GSG1L: variants seen among roughly 807,000 people sequenced by gnomAD.
GSG1L encodes GSG1 like.
A neutral mutation model predicts 42.1 loss-of-function variants in GSG1L; 24 were observed. The observed-to-expected ratio is 0.57, with a 90% CI of 0.41 to 0.80. GSG1L has a LOEUF of 0.80. GSG1L is among the 30% of genes least tolerant of loss of function. The pLI is 0.00. For synonymous variants in GSG1L, 215 were observed against 203.5 expected, an observed-to-expected ratio of 1.06 and a Z score of -0.48; for missense variants, 445 against 472.2, an observed-to-expected ratio of 0.94 and a Z score of 0.53.
intron 1 of GSG1L, among the ~76,000 whole-genome samples, chr16:28,006,189 T>C (rs2085635898): frequency 1.3e-5 from 2 of 152,208 alleles, no homozygotes; most frequent in African/African-American, 4.8e-5. Flanking sequence ...ACCTCTGTCC[T>C]ACCATCTGTA....
chr16:27,950,360 A>G (rs890817069), intron 2 of GSG1L, among the ~76,000 whole-genome samples: 2 of 152,156 alleles, frequency 1.3e-5, no homozygotes, highest in Non-Finnish European at 2.9e-5. Flanking sequence ...AATTACCTGG[A>G]AAGATAATCT....
chr16:27,939,115 C>T (rs568095762), intron 2 of GSG1L, among the ~76,000 whole-genome samples: 8 of 151,972 alleles, frequency 5.3e-5, no homozygotes, highest in Non-Finnish European at 1.0e-4. Flanking sequence ...GCAAACATTC[C>T]AGCTGAATTT....
At chr16:28,004,465 G>T (rs1403633333) in intron 1 of GSG1L, among the ~76,000 whole-genome samples, 1 of 140,950 alleles carries the variant, frequency 7.1e-6, no homozygotes, top group Admixed American at 7.8e-5. Flanking sequence ...GAAGGGGAGA[G>T]TGAGTGAGGA....
At chr16:27,859,304 C>T (rs965417445) in intron 3 of GSG1L, among the ~76,000 whole-genome samples, 6 of 152,274 alleles carry the variant, frequency 3.9e-5, no homozygotes, top group South Asian at 4.2e-4. Context: ...GGACAGGATC[C>T]GAGATTTGAA....
intron 4 of GSG1L, among the ~76,000 whole-genome samples, chr16:27,841,463 G>T (rs1055384584): frequency 6.6e-6 from 1 of 152,226 alleles, no homozygotes; most frequent in African/African-American, 2.4e-5. Flanking sequence ...CCTGCAGCTT[G>T]TTCTTCCCTG....
intron 1 of GSG1L, among the ~76,000 whole-genome samples, chr16:27,991,265 C>G (rs188289832): frequency 1.3e-5 from 2 of 152,186 alleles, no homozygotes; most frequent in African/African-American, 4.8e-5. Flanking sequence ...TAAAGGAGAA[C>G]TGGGTTTTAA....
chr16:27,803,538 A>G (rs2144417747), intron 6 of GSG1L, among the ~76,000 whole-genome samples: 1 of 151,900 alleles, frequency 6.6e-6, no homozygotes, highest in African/African-American at 2.4e-5. Flanking sequence ...TTATATCCTC[A>G]TCTCAAGGGA....
intron 3 of GSG1L, among the ~76,000 whole-genome samples, chr16:27,857,116 G>C (rs1299004641): frequency 6.6e-6 from 1 of 152,206 alleles, no homozygotes; most frequent in Non-Finnish European, 1.5e-5. Context: ...TTTGAGGCAA[G>C]ATGCTTGCAT....
chr16:27,915,703 G>T (rs772577504), intron 2 of GSG1L, among the ~76,000 whole-genome samples: 2 of 152,148 alleles, frequency 1.3e-5, no homozygotes, highest in Non-Finnish European at 2.9e-5. Context: ...TTGAGCCCAG[G>T]AGTTTGAGGC....
At chr16:27,975,730 C>T (rs764990130) in intron 1 of GSG1L, among the ~76,000 whole-genome samples, 4 of 152,090 alleles carry the variant, frequency 2.6e-5, no homozygotes, top group Non-Finnish European at 5.9e-5. Flanking sequence ...AATCTCAATC[C>T]CCAAAAGTAC....
intron 2 of GSG1L, among the ~76,000 whole-genome samples, chr16:27,911,599 G>T (rs1435372666): frequency 6.6e-6 from 1 of 152,108 alleles, no homozygotes. Context: ...CTTGGCTGCT[G>T]TTTGAATATC....
In GSG1L at chr16:27,979,749, G is replaced by GGAAAGAGAAA. The variant is rs1555512127; in HGVS notation, c.350-16547_350-16546insTTTCTCTTTC. Among the ~76,000 whole-genome samples, 2 of 99,104 alleles carry GGAAAGAGAAA rather than the reference G, an allele frequency of 2.0e-5. 1 individual carries two copies. Among genetic ancestry groups the GGAAAGAGAAA allele is most frequent in the Non-Finnish European group, 3.9e-5 (2 of 50,770 alleles). The allele number at this position is 99,104 out of a possible 152,430, so 65.0% of individuals were successfully genotyped here. On this transcript the variant is annotated intron_variant, in intron 1 of 6. Coordinates refer to ENST00000447459, the MANE Select transcript of GSG1L (RefSeq NM_001109763.2). ...AAGGAAAGAAAAAGAAAGAAAGAAA[G>GGAAAGAGAAA]GAAAGAAAGAAAGAAAGAAGGAAAG...
At chr16:27,920,440 C>T (rs1008212817) in intron 2 of GSG1L, among the ~76,000 whole-genome samples, 2 of 152,212 alleles carry the variant, frequency 1.3e-5, no homozygotes, top group East Asian at 1.9e-4. Flanking sequence ...GGGAGGCAGA[C>T]GCCACCTCCA....
chr16:27,834,204 AT>A (rs2083300127), intron 4 of GSG1L, among the ~76,000 whole-genome samples: 2 of 152,012 alleles, frequency 1.3e-5, no homozygotes, highest in Admixed American at 1.3e-4. Context: ...TGGTCATGTG[AT>A]TTTTTTATTC....
intron 6 of GSG1L, among the ~76,000 whole-genome samples, chr16:27,797,041 T>G (rs1426975853): frequency 6.6e-6 from 1 of 152,168 alleles, no homozygotes; most frequent in Non-Finnish European, 1.5e-5. Context: ...CATGGACTCA[T>G]TTAATCCTCA....
intron 2 of GSG1L, among the ~76,000 whole-genome samples, chr16:27,952,288 G>A (rs2084958762): frequency 6.6e-6 from 1 of 152,248 alleles, no homozygotes; most frequent in South Asian, 2.1e-4. Context: ...CTTGTGTTGA[G>A]GGAGTATCCA....
intron 1 of GSG1L, among the ~76,000 whole-genome samples, chr16:28,025,650 G>A (rs1036677248): frequency 1.3e-5 from 2 of 152,254 alleles, no homozygotes; most frequent in African/African-American, 4.8e-5. Flanking sequence ...ATGTATGTCA[G>A]ATAAATTCAC....
intron 4 of GSG1L, among the ~76,000 whole-genome samples, chr16:27,829,186 A>C (rs940249543): frequency 1.3e-5 from 2 of 152,154 alleles, no homozygotes; most frequent in African/African-American, 4.8e-5. Flanking sequence ...CATTATGGGG[A>C]GGCAAGAAGA....
chr16:27,890,861 G>A (rs182953848), intron 2 of GSG1L, among the ~76,000 whole-genome samples: 2 of 152,340 alleles, frequency 1.3e-5, no homozygotes, highest in East Asian at 1.9e-4. Context: ...AACACATGTG[G>A]GAAGTGGGAT....
Sources: gnomAD v4.1 joint callset for allele counts (sites outside exome capture counted in the v4.1 genomes callset) on GRCh38, gnomAD v4.1.1 for gene constraint, MANE v1.5 for transcripts, NCBI Gene and HGNC (gene_info 2026-07-23, HGNC 2026-07-21) for gene names.